Variants in IL31 observed in about 807,000 individuals in gnomAD.
IL31 encodes interleukin-31.
In IL31, 8 loss-of-function variants were observed where a neutral mutation model predicts 7.8. The ratio of observed to expected loss-of-function variants is 1.02; its 90% CI spans 0.60 to 1.84. IL31 has a LOEUF of 1.84. Ranked by LOEUF, IL31 falls within the 40% of genes most tolerant of loss-of-function variation. The pLI is 0.00. For synonymous variants in IL31, 87 were observed against 86.5 expected (o/e 1.01, Z -0.03); for missense variants, 162 against 205.6 (o/e 0.79, Z 1.30).
At position 122,172,754 on chromosome 12, in the gene IL31, G is replaced by A. The variant is rs1953498566; in HGVS notation, c.166-13C>T. 1 of 1,589,290 alleles carries A rather than the reference G, an allele frequency of 6.3e-7. No individual in the cohort carries two copies. The highest frequency in any genetic ancestry group is 1.9e-4 in the Middle Eastern group (1 of 5,274). On this transcript the variant is annotated splice_polypyrimidine_tract_variant and intron_variant, in intron 2 of 2. Transcript: ENST00000377035. Reference sequence around the variant, plus strand: ...TCTCTTCCTCCACCTGTGGAATGAGGAGAAATGGTCAGTGTTGGGTTTGCA... The same window carrying A: ...TCTCTTCCTCCACCTGTGGAATGAGAAGAAATGGTCAGTGTTGGGTTTGCA...
chr12:122,173,144 C>T (rs573749212), intron 2 of IL31, among the ~76,000 whole-genome samples: 5 of 152,180 alleles, frequency 3.3e-5, no homozygotes, highest in East Asian at 3.9e-4. Flanking sequence ...GAGATGCAGG[C>T]GAGAGTTTTC....
chr12:122,172,810 T>C (rs1953499277), intron 2 of IL31, 69 bp from the exon 3 acceptor site: 3 of 1,239,246 alleles, frequency 2.4e-6, no homozygotes, highest in Non-Finnish European at 3.4e-6. Flanking sequence ...CAGTGAATGT[T>C]TGCATGCTTC....
chr12:122,173,025 C>T (rs1953502984), intron 2 of IL31, among the ~76,000 whole-genome samples: 1 of 152,152 alleles, frequency 6.6e-6, no homozygotes, highest in Non-Finnish European at 1.5e-5. Flanking sequence ...GTGGGAATTG[C>T]AGCACATCTG....
Position 122,172,150 on chromosome 12 carries a change from GAGGGTATAATAAGT to G in IL31, c.*248_*261del. The G allele has an allele frequency of 2.8e-6, 1 of 354,284 alleles. No homozygotes were observed. The highest frequency in any genetic ancestry group is 2.1e-5 in the African/African-American group (1 of 48,086). The allele number at this position is 354,284 out of a possible 1,614,324, so 21.9% of individuals were successfully genotyped here. ...CATAGCTGCCACCTCCCACCCTCAC[GAGGGTATAATAAGT>G]AAGACTTAAGCCTGCAGAAGAAAAG... On this transcript the variant is annotated 3_prime_UTR_variant, in exon 3 of 3. Transcript: ENST00000377035.
In IL31 at chr12:122,172,119, A is replaced by C. The variant is rs1159326888; in HGVS notation, c.*293T>G. On this transcript the variant is annotated 3_prime_UTR_variant, in exon 3 of 3. Transcript: ENST00000377035. The stretch of plus-strand genomic sequence containing the variant: ...ACTCTTAGTACAATAAATATCAATA[A>C]ATTAACATAGCTGCCACCTCCCACC... 3.5e-6 allele frequency: 1 copy of C among 283,954 alleles called. No homozygotes were observed. The highest frequency in any genetic ancestry group is 2.2e-5 in the African/African-American group (1 of 45,382). 17.6% of individuals were successfully genotyped at this position (283,954 alleles called of 1,614,324 possible). A position where few individuals can be genotyped will look rare whatever the true frequency, so the allele number is the denominator to read the frequency against.
chr12:122,174,076 C>A, intron 1 of IL31, 81 bp downstream of exon 1: 5 of 1,613,824 alleles, frequency 3.1e-6, no homozygotes, highest in Non-Finnish European at 4.2e-6. Context: ...GCTGAGCCAA[C>A]CCTGGGGGTA....
rs766705750 is a variant in IL31 at position 122,172,451 on chromosome 12, T to C, written c.456A>G (p.Leu152=). 9 of 1,614,146 alleles carry C rather than the reference T, an allele frequency of 5.6e-6. No individual in the cohort carries two copies. The highest frequency in any genetic ancestry group is 7.6e-6 in the Non-Finnish European group (9 of 1,179,990). The part of the protein sequence containing the change: ...QQFSECMDLA[L]KSLTSGAQQA... ...GTTGGGCTCCAGAGGTCAATGATTT[T>C]AGTGCGAGGTCCATGCACTCTGAAA... Residue 152 remains leucine (L), a synonymous_variant, in exon 3 of 3, where the codon CTA becomes CTG. Coordinates refer to ENST00000377035, the MANE Select transcript of IL31 (RefSeq NM_001014336.2).
intron 2 of IL31, 113 bp downstream of exon 2, chr12:122,173,731 T>C (rs1953510562): frequency 4.4e-6 from 4 of 902,926 alleles, no homozygotes; most frequent in Non-Finnish European, 5.2e-6. Context: ...CCCCCATCCC[T>C]TCCTGGCATA....
intron 1 of IL31, 46 bp from the exon 2 acceptor site, chr12:122,174,038 C>T: frequency 6.2e-7 from 1 of 1,613,208 alleles, no homozygotes; most frequent in South Asian, 1.1e-5. Context: ...CACACCCCTG[C>T]CCACCCTGGC....
chr12:122,173,035 G>T (rs1249536641), intron 2 of IL31, among the ~76,000 whole-genome samples: 1 of 152,054 alleles, frequency 6.6e-6, no homozygotes, highest in Non-Finnish European at 1.5e-5. Flanking sequence ...CAGCACATCT[G>T]GCCTTCCATG....
At position 122,172,565 on chromosome 12, in the gene IL31, G is replaced by A. The variant is rs1207841304; in HGVS notation, c.342C>T (p.Leu114=). ...TTGTTTCTGGTGCATCTTGAAATAT[G>A]AGTTTGTCGAGGTGCTCTATGATCT... ...IDEIIEHLDK[L]IFQDAPETNI... The change falls in exon 3 of 3, where the codon CTC becomes CTT. Residue 114 remains leucine (L), a synonymous_variant. Transcript: ENST00000377035. 6.2e-7 allele frequency: 1 copy of A among 1,614,070 alleles called. No homozygotes were observed. The highest frequency in any genetic ancestry group is 8.5e-7 in the Non-Finnish European group (1 of 1,180,042).
At chr12:122,173,092 C>T (rs1410968850) in intron 2 of IL31, among the ~76,000 whole-genome samples, 1 of 152,154 alleles carries the variant, frequency 6.6e-6, no homozygotes, top group Non-Finnish European at 1.5e-5. Flanking sequence ...ACGCACGCTC[C>T]ACTTATAAAG....
rs1953496416 is a variant in IL31 at position 122,172,628 on chromosome 12, C to T, written c.279G>A (p.Lys93=). Reference sequence around the variant, plus strand: ...ATTTGTTGTCTAGCTGTCTGATTGTCTTGAGATATGCCCGGATGGCTGGGC... The same window carrying T: ...ATTTGTTGTCTAGCTGTCTGATTGTTTTGAGATATGCCCGGATGGCTGGGC... ...IHSPAIRAYL[K]TIRQLDNKSV... is the part of the protein sequence containing the mutation. Residue 93 remains lysine (K), a synonymous_variant, in exon 3 of 3, where the codon AAG becomes AAA. Coordinates refer to ENST00000377035, the MANE Select transcript of IL31 (RefSeq NM_001014336.2). 1.9e-6 allele frequency: 3 copies of T among 1,614,142 alleles called. No homozygotes were observed. Among genetic ancestry groups the T allele is most frequent in the African/African-American group, 2.7e-5 (2 of 75,020 alleles).
chr12:122,172,442 C>T lies in IL31; in HGVS notation c.465G>A (p.Leu155=), dbSNP rs772266797. The T allele has an allele frequency of 1.2e-6, 2 of 1,613,902 alleles. No homozygotes were observed. The highest frequency in any genetic ancestry group is 2.2e-5 in the South Asian group (2 of 90,978). The change falls in exon 3 of 3, where the codon TTG becomes TTA. Residue 155 remains leucine, a synonymous_variant. Transcript: ENST00000377035. ...TGGTGGCCTGTTGGGCTCCAGAGGT[C>T]AATGATTTTAGTGCGAGGTCCATGC... ...SECMDLALKS[L]TSGAQQATT is the part of the protein sequence containing the mutation.
rs368128403 is a variant in IL31 at position 122,174,006 on chromosome 12, G to A, written c.17-14C>T. ...ACGTCGAGGGGCCTGGAGAGAGAAC[G>A]ATGCCGTGAGCGCATACATCACACA... is the stretch of plus-strand genomic sequence containing the variant. On this transcript the variant is annotated splice_polypyrimidine_tract_variant and intron_variant, in intron 1 of 2. Transcript: ENST00000377035. 359 of 1,613,872 alleles carry A rather than the reference G, an allele frequency of 2.2e-4. No homozygotes were observed. The highest frequency in any genetic ancestry group is 4.0e-4 in the Admixed American group (24 of 59,980).
In IL31 at chr12:122,172,409, G is replaced by A; in HGVS notation, c.*3C>T. ...CCTGCCAATCCGAAAGGAAGAGATG[G>A]CCTTAAGTGGTGGCCTGTTGGGCTC... On this transcript the variant is annotated 3_prime_UTR_variant, in exon 3 of 3. Transcript: ENST00000377035. 1 of 1,605,660 alleles carries A rather than the reference G, an allele frequency of 6.2e-7. No homozygotes were observed. Among genetic ancestry groups the A allele is most frequent in the Non-Finnish European group, 8.5e-7 (1 of 1,173,256 alleles).
chr12:122,172,706 A>G lies in IL31; in HGVS notation c.201T>C (p.Asn67=). ...CAGGGCTGAGACACGGCAGCGTGTA[A>G]TTCTGGGACACGAGCACGCCCTTCT... ...EEEKGVLVSQ[N]YTLPCLSPDA... Residue 67 remains asparagine (N), a synonymous_variant, in exon 3 of 3, where the codon AAT becomes AAC. Coordinates refer to ENST00000377035, the MANE Select transcript of IL31 (RefSeq NM_001014336.2). 6.2e-7 allele frequency: 1 copy of G among 1,613,812 alleles called. No homozygotes were observed. The highest frequency in any genetic ancestry group is 8.5e-7 in the Non-Finnish European group (1 of 1,179,928).
rs56719421 is a variant in IL31, at chr12:122,173,945, G to A, written c.64C>T (p.Leu22=). 0.032 allele frequency: 52,420 copies of A among 1,614,016 alleles called. 1,834 individuals are homozygous for A. Among genetic ancestry groups the A allele is most frequent in the African/African-American group, 0.17 (12,857 of 74,962 alleles). Residue 22 remains leucine, a synonymous_variant, in exon 2 of 3, where the codon CTG becomes TTG. Coordinates refer to ENST00000377035, the MANE Select transcript of IL31 (RefSeq NM_001014336.2). ...LFLFCCLGGW[L]ASHTLPVRLL... is the part of the protein sequence containing the mutation. Reference sequence around the variant, plus strand: ...CGGACGGGCAACGTGTGGGAGGCCAGCCAGCCTCCCAGGCAGCAGAACAGA... The same window carrying A: ...CGGACGGGCAACGTGTGGGAGGCCAACCAGCCTCCCAGGCAGCAGAACAGA...
At position 122,173,969 on chromosome 12, in the gene IL31, G is replaced by C; in HGVS notation, c.40C>G (p.Leu14Val). 1 of 1,614,150 alleles carries C rather than the reference G, an allele frequency of 6.2e-7. No homozygotes were observed. Among genetic ancestry groups the C allele is most frequent in the South Asian group, 1.1e-5 (1 of 91,076 alleles). Reference sequence around the variant, plus strand: ...AGCCAGCCTCCCAGGCAGCAGAACAGAAAGAGCACAGACGTCGAGGGGCCT... The same window carrying C: ...AGCCAGCCTCCCAGGCAGCAGAACACAAAGAGCACAGACGTCGAGGGGCCT... ...HSGPSTSVLFLFCCLGGWLAS... is the reference protein window; with the variant it reads ...HSGPSTSVLFVFCCLGGWLAS... The change falls in exon 2 of 3, where the codon CTG becomes GTG. Residue 14 changes from leucine to valine, a missense_variant. Leu to Val is a conservative substitution (Grantham distance 32). Transcript: ENST00000377035.
Sources: gnomAD v4.1 joint callset for allele counts (sites outside exome capture counted in the v4.1 genomes callset) on GRCh38, gnomAD v4.1.1 for gene constraint, MANE v1.5 for transcripts, NCBI Gene and HGNC (gene_info 2026-07-23, HGNC 2026-07-21) for gene names.